Variants in RB1 observed in about 807,000 individuals in gnomAD.
RB1 encodes retinoblastoma-associated protein.
RB1 carries 18 observed loss-of-function variants against 135.4 expected under a neutral mutation model. The observed-to-expected ratio is 0.13, with a 90% CI of 0.09 to 0.20. The LOEUF (loss-of-function observed/expected upper bound fraction) is 0.20. Ranked by LOEUF, RB1 falls within the 10% of genes least tolerant of loss-of-function variation. The pLI is 1.00. For missense variants in RB1, 868 were observed against 1,110.0 expected (o/e 0.78, Z 3.10); for synonymous variants, 365 against 373.2 (o/e 0.98, Z 0.25).
chr13:48,375,251 T>C (rs1952808843), intron 12 of RB1, among the ~76,000 whole-genome samples: 1 of 152,224 alleles, frequency 6.6e-6, no homozygotes, highest in African/African-American at 2.4e-5. Context: ...AGCTTAATTA[T>C]GTAGATGATA....
At chr13:48,304,117 A>G (rs1952056145) in intron 1 of RB1, 68 bp downstream of exon 1, 1 of 1,322,482 alleles carries the variant, frequency 7.6e-7, no homozygotes, top group East Asian at 3.2e-5. Flanking sequence ...GGCGGGCGCC[A>G]AGGCGGCTCG....
rs1952727808 is a variant in RB1 at position 48,368,620 on chromosome 13, CT to C, written c.1127+20del. The C allele has an allele frequency of 6.2e-7, 1 of 1,609,466 alleles. No individual in the cohort carries two copies. Among genetic ancestry groups the C allele is most frequent in the Non-Finnish European group, 8.5e-7 (1 of 1,177,900 alleles). On this transcript the variant is annotated intron_variant, in intron 11 of 26. Transcript: ENST00000267163. ...CTCCAGTTAGGTATGAATTTTCCTA[CT>C]TTTAATTATATTATAATTTTGTTAT...
intron 17 of RB1, among the ~76,000 whole-genome samples, chr13:48,403,532 T>TG (rs1306742766): frequency 6.6e-6 from 1 of 152,082 alleles, no homozygotes; most frequent in Non-Finnish European, 1.5e-5. Flanking sequence ...CTGGTGGAAG[T>TG]GGGAGTCTTA....
In RB1 at chr13:48,395,432, G is replaced by T. The variant is rs201990006; in HGVS notation, c.1695+13989G>T. Among the ~76,000 whole-genome samples the T allele has an allele frequency of 3.3e-5, 5 of 152,012 alleles. 1 individual carries two copies. The highest frequency in any genetic ancestry group is 1.9e-4 in the East Asian group (1 of 5,182). ...AAGGTGGGTAATAACAAACTCCTCC[G>T]AGCTAAAGGACCATGTTCTAACCCA... On this transcript the variant is annotated intron_variant, in intron 17 of 26. Transcript: ENST00000267163.
At chr13:48,444,074 TGTCAGATCCCACTGGTTGGG>T (rs1393255279) in intron 17 of RB1, among the ~76,000 whole-genome samples, 1 of 152,146 alleles carries the variant, frequency 6.6e-6, no homozygotes, top group Non-Finnish European at 1.5e-5. Flanking sequence ...TTGGAGATAG[TGTCAGATCCCACTGGTTGGG>T]GTCTCAGTGC....
At chr13:48,371,695 G>T (rs752567195) in intron 11 of RB1, among the ~76,000 whole-genome samples, 37 of 152,156 alleles carry the variant, frequency 2.4e-4, no homozygotes, top group Non-Finnish European at 4.7e-4. Context: ...TGCTTGAAGG[G>T]AGGGTGCATA....
chr13:48,340,643 T>G (rs1255116404), intron 2 of RB1, among the ~76,000 whole-genome samples: 1 of 151,116 alleles, frequency 6.6e-6, no homozygotes, highest in Non-Finnish European at 1.5e-5. Flanking sequence ...AGTTATTGCC[T>G]GAGTGCAAAG....
intron 1 of RB1, among the ~76,000 whole-genome samples, chr13:48,306,142 C>T (rs1200792733): frequency 1.3e-5 from 2 of 152,122 alleles, no homozygotes; most frequent in Admixed American, 6.5e-5. Context: ...TGTTGGCTCA[C>T]GCCTGTAATG....
At chr13:48,410,142 C>T (rs1948780334) in intron 17 of RB1, among the ~76,000 whole-genome samples, 1 of 152,010 alleles carries the variant, frequency 6.6e-6, no homozygotes, top group Non-Finnish European at 1.5e-5. Flanking sequence ...TTAAAATGGC[C>T]AGAAGAGTGA....
intron 7 of RB1, chr13:48,360,396 G>A: frequency 2.3e-6 from 1 of 432,150 alleles, no homozygotes; most frequent in East Asian, 5.2e-5. Flanking sequence ...GAAGACCAAA[G>A]AATACCATAT....
At chr13:48,318,104 C>CA in intron 2 of RB1, 1 of 531,550 alleles carries the variant, frequency 1.9e-6, no homozygotes, top group Admixed American at 3.1e-5. Context: ...CGCATCCCCT[C>CA]ACTCGGAAGG....
intron 17 of RB1, among the ~76,000 whole-genome samples, chr13:48,398,034 A>C (rs938944309): frequency 2.0e-5 from 3 of 152,246 alleles, no homozygotes; most frequent in African/African-American, 7.2e-5. Flanking sequence ...GATAACGATT[A>C]AGCCACATTT....
intron 17 of RB1, among the ~76,000 whole-genome samples, chr13:48,387,005 C>T (rs1477222529): frequency 2.0e-5 from 3 of 151,352 alleles, no homozygotes; most frequent in Non-Finnish European, 2.9e-5. Context: ...TATGACTTGT[C>T]GAGTTTTGGC....
chr13:48,314,005 C>A (rs1338070946), intron 2 of RB1, among the ~76,000 whole-genome samples: 2 of 152,118 alleles, frequency 1.3e-5, no homozygotes, highest in Non-Finnish European at 1.5e-5. Context: ...ACCTCGGCCT[C>A]CCAAAGTGCT....
At chr13:48,371,669 TA>T (rs569019361) in intron 11 of RB1, among the ~76,000 whole-genome samples, 130 of 151,138 alleles carry the variant, frequency 8.6e-4, no homozygotes, top group African/African-American at 2.3e-3. Flanking sequence ...GTTAAACCCA[TA>T]AAAAAAAATG....
At chr13:48,388,076 A>G (rs1033127639) in intron 17 of RB1, among the ~76,000 whole-genome samples, 13 of 152,202 alleles carry the variant, frequency 8.5e-5, no homozygotes, top group South Asian at 2.1e-4. Context: ...TATTATCTAT[A>G]TACTTAACTA....
intron 17 of RB1, among the ~76,000 whole-genome samples, chr13:48,402,570 G>C (rs902161757): frequency 6.6e-6 from 1 of 151,636 alleles, no homozygotes; most frequent in African/African-American, 2.4e-5. Context: ...GTAGAGACGG[G>C]GTCTTGCTGT....
intron 10 of RB1, 79 bp from the exon 11 acceptor site, chr13:48,368,448 C>G: frequency 6.4e-7 from 1 of 1,570,424 alleles, no homozygotes; most frequent in Non-Finnish European, 8.7e-7. Context: ...ACAACAGAAG[C>G]ATTATACTGC....
At chr13:48,313,219 T>C (rs1952146827) in intron 2 of RB1, among the ~76,000 whole-genome samples, 1 of 152,182 alleles carries the variant, frequency 6.6e-6, no homozygotes, top group African/African-American at 2.4e-5. Context: ...ATTCTGTTTT[T>C]AAGATGCAGT....
Sources: allele counts gnomAD v4.1 joint callset (sites outside exome capture counted in the v4.1 genomes callset), GRCh38; gene constraint gnomAD v4.1.1; transcripts MANE v1.5; gene names NCBI Gene and HGNC (gene_info 2026-07-23, HGNC 2026-07-21).